The following FLT3 variants were observed in gnomAD, a reference collection of about 807,000 sequenced individuals.
FLT3 encodes the protein fms related receptor tyrosine kinase 3.
In FLT3, 46 loss-of-function variants were observed where a neutral mutation model predicts 126.6. That is an observed-to-expected ratio of 0.36 (90% CI 0.29 to 0.46). The LOEUF is 0.46. FLT3 is among the 20% of genes least tolerant of loss of function. FLT3 has a pLI of 1.00. For synonymous variants in FLT3, 404 were observed against 434.4 expected, an observed-to-expected ratio of 0.93 and a Z score of 0.87; for missense variants, 1,069 against 1,190.3, an observed-to-expected ratio of 0.90 and a Z score of 1.50.
chr13:28,059,864 G>A (rs1876376540), intron 3 of FLT3, among the ~76,000 whole-genome samples: 1 of 151,980 alleles, frequency 6.6e-6, no homozygotes, highest in Admixed American at 6.6e-5. Context: ...GGAGGCTGAG[G>A]CAGGAGAATT....
At chr13:28,020,250 A>T (rs781629179) in intron 19 of FLT3, among the ~76,000 whole-genome samples, 1 of 151,928 alleles carries the variant, frequency 6.6e-6, no homozygotes, top group African/African-American at 2.4e-5. Flanking sequence ...CCTTCCCCCA[A>T]CCAGGTCTGC....
chr13:28,070,642 G>T, intron 1 of FLT3, 30 bp from the exon 2 acceptor site: 1 of 1,541,390 alleles, frequency 6.5e-7, no homozygotes, highest in Non-Finnish European at 8.9e-7. Flanking sequence ...TGATAATGTT[G>T]ATACATGCAC....
chr13:28,057,473 G>C lies in FLT3; in HGVS notation c.369-11C>G. 1 of 1,219,100 alleles carries C rather than the reference G, an allele frequency of 8.2e-7. No homozygotes were observed. Among genetic ancestry groups the C allele is most frequent in the South Asian group, 1.2e-5 (1 of 82,884 alleles). The allele number at this position is 1,219,100 out of a possible 1,614,324, so 75.5% of individuals were successfully genotyped here. On this transcript the variant is annotated splice_polypyrimidine_tract_variant and intron_variant, in intron 3 of 23. Coordinates refer to ENST00000241453, the MANE Select transcript of FLT3 (RefSeq NM_004119.3). ...ATGGAAACAACTCCTCTGCAAAACA[G>C]GAAAGAGAACTAGTTATTTTGGAAA...
At chr13:28,037,365 G>C (rs2137687471) in intron 9 of FLT3, 77 bp from the exon 10 acceptor site, 1 of 852,330 alleles carries the variant, frequency 1.2e-6, no homozygotes, top group Non-Finnish European at 2.0e-6. Flanking sequence ...GTGTGCATGG[G>C]AGGTGTCTTC....
intron 1 of FLT3, among the ~76,000 whole-genome samples, chr13:28,085,082 C>T (rs547604712): frequency 1.3e-5 from 2 of 151,748 alleles, no homozygotes; most frequent in East Asian, 1.9e-4. Context: ...CGGTGGCTCA[C>T]GCCTGTGACA....
intron 1 of FLT3, among the ~76,000 whole-genome samples, chr13:28,075,409 T>G (rs548978615): frequency 1.3e-5 from 2 of 152,212 alleles, no homozygotes; most frequent in African/African-American, 4.8e-5. Flanking sequence ...ATATGTAAAA[T>G]ATTATGTATC....
intron 2 of FLT3, chr13:28,068,233 A>G (rs78763053): frequency 6.7e-6 from 1 of 149,302 alleles, no homozygotes; most frequent in African/African-American, 2.5e-5. Flanking sequence ...CACTGACAGG[A>G]AAAAAAAAAC....
chr13:28,070,098 G>C (rs531220668), intron 2 of FLT3, among the ~76,000 whole-genome samples: 2 of 152,326 alleles, frequency 1.3e-5, no homozygotes, highest in East Asian at 3.9e-4. Flanking sequence ...CTGGTCAACA[G>C]AATGAGACTG....
chr13:28,089,630 T>A (rs1359331291), intron 1 of FLT3, among the ~76,000 whole-genome samples: 1 of 152,034 alleles, frequency 6.6e-6, no homozygotes, highest in East Asian at 1.9e-4. Context: ...TATCATAAGA[T>A]TCCACTTACA....
chr13:28,064,823 G>A (rs13328999), intron 2 of FLT3, among the ~76,000 whole-genome samples: 4,974 of 152,108 alleles, frequency 0.033, 265 homozygotes, highest in African/African-American at 0.11. Flanking sequence ...TAAAACTTGC[G>A]ATTCACTCAC....
rs374287890 is a variant in FLT3 at position 28,034,363 on chromosome 13, T to C, written c.1642A>G (p.Ile548Val). Reference protein sequence around the residue: ...IQDNISFYATIGVCLLFIVVL... With the variant: ...IQDNISFYATVGVCLLFIVVL... ...ACAATGAAGAGGAGACAAACACCAATTGTTGCATAGAATGAGATGTTGTCT... is the reference window on the plus strand; with the variant it reads ...ACAATGAAGAGGAGACAAACACCAACTGTTGCATAGAATGAGATGTTGTCT... The change falls in exon 13 of 24, where the codon ATT (isoleucine) becomes GTT (valine). Residue 548 changes from isoleucine (I) to valine (V), a missense_variant. Transcript: ENST00000241453. 2.7e-5 allele frequency: 43 copies of C among 1,614,036 alleles called. 1 individual carries two copies. The East Asian group carries it at 2.7e-4, about 10-fold the overall frequency.
chr13:28,052,551 C>G lies in FLT3; in HGVS notation c.608G>C (p.Gly203Ala). The G allele has an allele frequency of 6.2e-7, 1 of 1,612,456 alleles. No homozygotes were observed. The highest frequency in any genetic ancestry group is 8.5e-7 in the Non-Finnish European group (1 of 1,179,166). Residue 203 changes from glycine (G) to alanine (A), a missense_variant, in exon 5 of 24, where the codon GGG becomes GCG. Coordinates refer to ENST00000241453, the MANE Select transcript of FLT3 (RefSeq NM_004119.3). Reference sequence around the variant, plus strand: ...TACCATGGATGTGTCATACCTTTCCCCCTGTGAATCGCAAAGCACCCATTC... The same window carrying G: ...TACCATGGATGTGTCATACCTTTCCGCCTGTGAATCGCAAAGCACCCATTC... The part of the protein sequence containing the change: ...IVEWVLCDSQ[G>A]ESCKEESPAV...
chr13:28,009,717 C>G (rs1052498985), intron 23 of FLT3, among the ~76,000 whole-genome samples: 1 of 152,048 alleles, frequency 6.6e-6, no homozygotes, highest in East Asian at 1.9e-4. Flanking sequence ...TGCACCACCA[C>G]GCCTGGCTAA....
chr13:28,100,385 G>A lies in FLT3; in HGVS notation c.43+83C>T. The A allele has an allele frequency of 2.0e-6, 2 of 995,248 alleles. No homozygotes were observed. The highest frequency in any genetic ancestry group is 5.0e-5 in the South Asian group (1 of 19,884). The allele number at this position is 995,248 out of a possible 1,614,324, so 61.7% of individuals were successfully genotyped here. A position where few individuals can be genotyped will look rare whatever the true frequency, so the allele number is the denominator to read the frequency against. On this transcript the variant is annotated intron_variant, in intron 1 of 23. Transcript: ENST00000241453. This position sits in a 1 kb window ranked among gnomAD's most constrained non-coding sequence, Gnocchi z 4.8. ...GGGGAGGAGCGAGGCGGCTGGGCCG[G>A]AGGAGGCGCGCGCCCGGGTCCACAC...
chr13:28,046,630 C>T (rs527464226), intron 9 of FLT3, among the ~76,000 whole-genome samples: 1 of 152,070 alleles, frequency 6.6e-6, no homozygotes, highest in East Asian at 1.9e-4. Context: ...CAGGTTCTTG[C>T]TCTGCATCCA....
intron 2 of FLT3, among the ~76,000 whole-genome samples, chr13:28,062,545 C>T (rs1232513261): frequency 6.6e-6 from 1 of 151,958 alleles, no homozygotes; most frequent in African/African-American, 2.4e-5. Flanking sequence ...GAATTCAAGA[C>T]CAGCCTGGCC....
chr13:28,004,722 TA>T, intron 23 of FLT3, among the ~76,000 whole-genome samples: 1 of 152,312 alleles, frequency 6.6e-6, no homozygotes, highest in African/African-American at 2.4e-5. Flanking sequence ...TCTATATAAC[TA>T]AAAAAGCAAT....
intron 2 of FLT3, among the ~76,000 whole-genome samples, chr13:28,068,814 C>T (rs568654680): frequency 1.3e-5 from 2 of 152,178 alleles, no homozygotes; most frequent in East Asian, 1.9e-4. Flanking sequence ...TCAGCTCAAG[C>T]GATCCACCCA....
intron 23 of FLT3, among the ~76,000 whole-genome samples, chr13:28,012,707 G>A (rs561594463): frequency 3.3e-5 from 5 of 152,178 alleles, no homozygotes; most frequent in Admixed American, 1.3e-4. Context: ...GGCTGAGGCA[G>A]GTGGACCACT....
Sources: gnomAD v4.1 joint callset for allele counts (sites outside exome capture counted in the v4.1 genomes callset) on GRCh38, gnomAD v4.1.1 for gene constraint, Gnocchi (gnomAD v3.1) non-coding constraint, MANE v1.5 for transcripts, NCBI Gene and HGNC (gene_info 2026-07-23, HGNC 2026-07-21) for gene names.